The following IFNL3 variants were observed in gnomAD, a reference collection of about 807,000 sequenced individuals.
The protein encoded by IFNL3 is interferon lambda-3.
In IFNL3, 16 loss-of-function variants were observed where a neutral mutation model predicts 16.3. The observed-to-expected ratio is 0.98, with a 90% CI of 0.67 to 1.50. IFNL3 has a LOEUF of 1.50. Among genes scored for constraint, IFNL3 ranks in the 40% most tolerant of loss-of-function variants. IFNL3 has a pLI of 0.00. For synonymous variants in IFNL3, 115 were observed against 115.3 expected (o/e 1.00, Z 0.02); for missense variants, 254 against 253.5 (o/e 1.00, Z -0.01).
intron 1 of IFNL3, 44 bp downstream of exon 1, chr19:39,244,744 C>T (rs199950179): frequency 2.6e-5 from 41 of 1,587,558 alleles, no homozygotes; most frequent in South Asian, 2.3e-4. Context: ...CCTTGGAGTG[C>T]GGGTGGAGGC....
At position 39,244,927 on chromosome 19, in the gene IFNL3, G is replaced by A; in HGVS notation, c.41C>T (p.Ala14Val). Residue 14 changes from alanine (A) to valine (V), a missense_variant, in exon 1 of 5, where the codon GCA (alanine) becomes GTA (valine). Ala to Val is a moderately conservative substitution (Grantham distance 64). Coordinates refer to ENST00000413851, the MANE Select transcript of IFNL3 (RefSeq NM_172139.4). ...DCMPVLVLMAAVLTVTGAVPV... is the reference protein window; with the variant it reads ...DCMPVLVLMAVVLTVTGAVPV... The stretch of plus-strand genomic sequence containing the variant: ...AACTGCTCCAGTCACGGTCAGCACT[G>A]CGGCCATCAGCACCAGCACTGGCAT... The A allele has an allele frequency of 6.2e-7, 1 of 1,614,016 alleles. No homozygotes were observed. The highest frequency in any genetic ancestry group is 8.5e-7 in the Non-Finnish European group (1 of 1,179,878).
At position 39,244,000 on chromosome 19, in the gene IFNL3, C is replaced by T. The variant is rs763849982; in HGVS notation, c.408+8G>A. 7 of 1,612,822 alleles carry T rather than the reference C, an allele frequency of 4.3e-6. No homozygotes were observed. Among genetic ancestry groups the T allele is most frequent in the South Asian group, 2.2e-5 (2 of 91,064 alleles). Reference sequence around the variant, plus strand: ...ACAGACCTGGGTGCCCGGGCCCTGACGACTCACACAGGCCCGGAGCTGGGA... The same window carrying T: ...ACAGACCTGGGTGCCCGGGCCCTGATGACTCACACAGGCCCGGAGCTGGGA... On this transcript the variant is annotated splice_region_variant and intron_variant, in intron 3 of 4. Coordinates refer to ENST00000413851, the MANE Select transcript of IFNL3 (RefSeq NM_172139.4).
rs747041025 is a variant in IFNL3, at chr19:39,244,958, C to T, written c.10G>A (p.Asp4Asn). The T allele has an allele frequency of 6.2e-7, 1 of 1,613,982 alleles. No individual in the cohort carries two copies. The highest frequency in any genetic ancestry group is 1.7e-5 in the Admixed American group (1 of 60,018). MTG[D>N]CMPVLVLMAA... is the part of the protein sequence containing the mutation. Reference sequence around the variant, plus strand: ...ATCAGCACCAGCACTGGCATGCAGTCCCCGGTCATGTCTGTGTCACAGAGA... The same window carrying T: ...ATCAGCACCAGCACTGGCATGCAGTTCCCGGTCATGTCTGTGTCACAGAGA... Residue 4 changes from aspartate (D) to asparagine (N), a missense_variant, in exon 1 of 5, where the codon GAC becomes AAC. Coordinates refer to ENST00000413851, the MANE Select transcript of IFNL3 (RefSeq NM_172139.4).
rs1366125350 is a variant in IFNL3, at chr19:39,243,924, G to A, written c.409-17C>T. 6.2e-7 allele frequency: 1 copy of A among 1,612,354 alleles called. No individual in the cohort carries two copies. On this transcript the variant is annotated splice_polypyrimidine_tract_variant and intron_variant, in intron 3 of 4. Transcript: ENST00000413851. ...AGGCTGGATCTGTGGGCAGAGGAGG[G>A]CGGTGTGTGAGCCGGGGCCTTGGCC... is the stretch of plus-strand genomic sequence containing the variant.
At chr19:39,244,256 G>T (rs1410752653) in intron 2 of IFNL3, 99 bp from the exon 3 acceptor site, 1 of 1,547,194 alleles carries the variant, frequency 6.5e-7, no homozygotes. Flanking sequence ...AGGCACAGGG[G>T]AGAGGGCACA....
Position 39,244,157 on chromosome 19 carries a change from C to G in IFNL3, c.259G>C (p.Val87Leu). 6.2e-7 allele frequency: 1 copy of G among 1,614,062 alleles called. No individual in the cohort carries two copies. Among genetic ancestry groups the G allele is most frequent in the Non-Finnish European group, 8.5e-7 (1 of 1,179,992 alleles). Residue 87 changes from valine (V) to leucine (L), a missense_variant and splice_region_variant, in exon 3 of 5, where the codon GTG becomes CTG. Val to Leu is a conservative substitution (Grantham distance 32). Transcript: ENST00000413851. Reference sequence around the variant, plus strand: ...TCCAAAGCCACGGGGCGCTCCCTCACCTGAGGAGAGGTGAGAAAGAGCAGG... The same window carrying G: ...TCCAAAGCCACGGGGCGCTCCCTCAGCTGAGGAGAGGTGAGAAAGAGCAGG... ...PRTWDLRQLQ[V>L]RERPVALEAE... is the part of the protein sequence containing the mutation.
At position 39,244,133 on chromosome 19, in the gene IFNL3, C is replaced by G. The variant is rs147679979; in HGVS notation, c.283G>C (p.Glu95Gln). 1.3e-3 allele frequency: 2,048 copies of G among 1,614,134 alleles called. 26 individuals carry two copies. In the African/African-American group the frequency reaches 0.025, roughly 20 times the overall value. ...LQVRERPVAL[E>Q]AELALTLKVL... The stretch of plus-strand genomic sequence containing the variant: ...TTCAGCGTCAGGGCCAGCTCAGCCT[C>G]CAAAGCCACGGGGCGCTCCCTCACC... The change falls in exon 3 of 5, where the codon GAG (glutamate) becomes CAG (glutamine). Residue 95 changes from glutamate (E) to glutamine (Q), a missense_variant. Coordinates refer to ENST00000413851, the MANE Select transcript of IFNL3 (RefSeq NM_172139.4).
upstream of IFNL3, chr19:39,245,231 C>T: frequency 1.4e-6 from 1 of 690,860 alleles, no homozygotes; most frequent in Non-Finnish European, 2.5e-6. Context: ...GTTTTGAGCT[C>T]TGTCTGGGAT....
chr19:39,243,768 T>C, intron 4 of IFNL3, 38 bp from the exon 5 acceptor site: 1 of 1,612,878 alleles, frequency 6.2e-7, no homozygotes, highest in South Asian at 1.1e-5. Flanking sequence ...GCTGTCTGGG[T>C]TCTGGGCTCC....
chr19:39,244,062 G>C lies in IFNL3; in HGVS notation c.354C>G (p.Val118=), dbSNP rs1256864600. 1 of 1,614,190 alleles carries C rather than the reference G, an allele frequency of 6.2e-7. No individual in the cohort carries two copies. The highest frequency in any genetic ancestry group is 1.1e-5 in the South Asian group (1 of 91,086). ...TADTDPALGD[V]LDQPLHTLHH... ...GCAGGGTGTGAAGGGGCTGGTCCAA[G>C]ACATCCCCCAGGGCTGGGTCAGTGT... The change falls in exon 3 of 5, where the codon GTC becomes GTG. Residue 118 remains valine, a synonymous_variant. Transcript: ENST00000413851.
At chr19:39,243,936 C>G (rs200165597) in intron 3 of IFNL3, 29 bp from the exon 4 acceptor site, 15 of 1,611,678 alleles carry the variant, frequency 9.3e-6, no homozygotes, top group East Asian at 2.2e-5. Context: ...GGTGTGTGAG[C>G]CGGGGCCTTG....
Position 39,244,881 on chromosome 19 carries a change from C to A in IFNL3, c.87G>T (p.Gly29=). The A allele has an allele frequency of 6.2e-7, 1 of 1,613,976 alleles. No homozygotes were observed. Among genetic ancestry groups the A allele is most frequent in the South Asian group, 1.1e-5 (1 of 91,072 alleles). Residue 29 remains glycine (G), a synonymous_variant, in exon 1 of 5, where the codon GGG becomes GGT. Transcript: ENST00000413851. ...TGAVPVARLR[G]ALPDARGCHI... Reference sequence around the variant, plus strand: ...GGCAGCCCCTTGCATCCGGGAGAGCCCCGCGGAGCCTGGCGACAGGAACTG... The same window carrying A: ...GGCAGCCCCTTGCATCCGGGAGAGCACCGCGGAGCCTGGCGACAGGAACTG...
In IFNL3 at chr19:39,244,895, C is replaced by G; in HGVS notation, c.73G>C (p.Ala25Pro). 1 of 1,613,950 alleles carries G rather than the reference C, an allele frequency of 6.2e-7. No homozygotes were observed. The highest frequency in any genetic ancestry group is 1.1e-5 in the South Asian group (1 of 91,074). Reference protein sequence around the residue: ...VLTVTGAVPVARLRGALPDAR... With the variant: ...VLTVTGAVPVPRLRGALPDAR... ...TCCGGGAGAGCCCCGCGGAGCCTGG[C>G]GACAGGAACTGCTCCAGTCACGGTC... The change falls in exon 1 of 5, where the codon GCC becomes CCC. Residue 25 changes from alanine to proline, a missense_variant. Transcript: ENST00000413851.
Position 39,244,744 on chromosome 19 carries a change from C to G in IFNL3, c.180+44G>C, listed in dbSNP as rs199950179. The G allele has an allele frequency of 3.0e-3, 4,798 of 1,586,444 alleles. 150 individuals carry two copies. The African/African-American group carries it at 0.058, about 19-fold the overall frequency. ...GGAAAGCATGGTGACCCTTGGAGTG[C>G]GGGTGGAGGCTAGTCCATGGCAGGA... On this transcript the variant is annotated intron_variant, in intron 1 of 4. Transcript: ENST00000413851.
In IFNL3 at chr19:39,244,168, G is replaced by A. The variant is rs1215832538; in HGVS notation, c.259-11C>T. 1 of 1,614,110 alleles carries A rather than the reference G, an allele frequency of 6.2e-7. No homozygotes were observed. Among genetic ancestry groups the A allele is most frequent in the African/African-American group, 1.3e-5 (1 of 75,056 alleles). On this transcript the variant is annotated splice_polypyrimidine_tract_variant and intron_variant, in intron 2 of 4. Coordinates refer to ENST00000413851, the MANE Select transcript of IFNL3 (RefSeq NM_172139.4). ...GGGGCGCTCCCTCACCTGAGGAGAG[G>A]TGAGAAAGAGCAGGTGAGGGGGGAG...
At position 39,244,033 on chromosome 19, in the gene IFNL3, T is replaced by G; in HGVS notation, c.383A>C (p.His128Pro). ...VLDQPLHTLH[H>P]ILSQLRACIQ... ...ACAGGCCCGGAGCTGGGAGAGGATA[T>G]GGTGCAGGGTGTGAAGGGGCTGGTC... Residue 128 changes from histidine (H) to proline (P), a missense_variant, in exon 3 of 5, where the codon CAT becomes CCT. Physicochemically the swap from His to Pro is moderately conservative, Grantham distance 77. Transcript: ENST00000413851. 1.2e-6 allele frequency: 2 copies of G among 1,614,036 alleles called. No homozygotes were observed. Among genetic ancestry groups the G allele is most frequent in the Non-Finnish European group, 1.7e-6 (2 of 1,179,990 alleles).
Position 39,244,023 on chromosome 19 carries a change from G to A in IFNL3, c.393C>T (p.Ser131=). The change falls in exon 3 of 5, where the codon TCC becomes TCT. Residue 131 remains serine (S), a synonymous_variant. Coordinates refer to ENST00000413851, the MANE Select transcript of IFNL3 (RefSeq NM_172139.4). ...QPLHTLHHIL[S]QLRACIQPQP... The stretch of plus-strand genomic sequence containing the variant: ...GACGACTCACACAGGCCCGGAGCTG[G>A]GAGAGGATATGGTGCAGGGTGTGAA... 6.2e-7 allele frequency: 1 copy of A among 1,614,118 alleles called. No individual in the cohort carries two copies. Among genetic ancestry groups the A allele is most frequent in the Non-Finnish European group, 8.5e-7 (1 of 1,179,972 alleles).
Position 39,244,931 on chromosome 19 carries a change from C to T in IFNL3, c.37G>A (p.Ala13Thr). The change falls in exon 1 of 5, where the codon GCC becomes ACC. Residue 13 changes from alanine to threonine, a missense_variant. Physicochemically the swap from Ala to Thr is moderately conservative, Grantham distance 58. Transcript: ENST00000413851. ...GCTCCAGTCACGGTCAGCACTGCGG[C>T]CATCAGCACCAGCACTGGCATGCAG... The part of the protein sequence containing the change: ...GDCMPVLVLM[A>T]AVLTVTGAVP... 3 of 1,613,992 alleles carry T rather than the reference C, an allele frequency of 1.9e-6. No individual in the cohort carries two copies. Among genetic ancestry groups the T allele is most frequent in the Non-Finnish European group, 2.5e-6 (3 of 1,179,858 alleles).
chr19:39,244,628 A>C (rs1195508661), intron 1 of IFNL3, 134 bp from the exon 2 acceptor site: 19 of 1,370,672 alleles, frequency 1.4e-5, no homozygotes, highest in Non-Finnish European at 1.8e-5. Context: ...CCTCTTCTTC[A>C]GGAAAACATG....
Sources: allele counts gnomAD v4.1 joint callset, GRCh38; gene constraint gnomAD v4.1.1; transcripts MANE v1.5; gene names NCBI Gene and HGNC (gene_info 2026-07-23, HGNC 2026-07-21).